Variants in CTNNA2 observed in about 807,000 individuals in gnomAD.
CTNNA2 encodes catenin alpha-2.
A neutral mutation model predicts 101.0 loss-of-function variants in CTNNA2; 42 were observed. The observed-to-expected ratio is 0.42, with a 90% CI of 0.32 to 0.54. The LOEUF (loss-of-function observed/expected upper bound fraction) is 0.54. Ranked by LOEUF, CTNNA2 falls within the 20% of genes least tolerant of loss-of-function variation. The pLI is 0.14. For missense variants in CTNNA2, 871 were observed against 1,223.1 expected (o/e 0.71, Z 4.29); for synonymous variants, 450 against 456.4 (o/e 0.99, Z 0.18).
intron 7 of CTNNA2, among the ~76,000 whole-genome samples, chr2:80,097,116 A>G (rs561963408): frequency 2.6e-5 from 4 of 152,238 alleles, no homozygotes; most frequent in South Asian, 2.1e-4. Flanking sequence ...GGTCTTTACA[A>G]TTTGGCATGT....
At chr2:79,222,425 G>A (rs1271286474) in intron 2 of CTNNA2, among the ~76,000 whole-genome samples, 3 of 152,180 alleles carry the variant, frequency 2.0e-5, no homozygotes, top group South Asian at 4.1e-4. Flanking sequence ...CTGCTGTGTG[G>A]TGCAGGGCCA....
At chr2:79,750,958 T>A (rs1039741478) in intron 3 of CTNNA2, among the ~76,000 whole-genome samples, 4 of 152,212 alleles carry the variant, frequency 2.6e-5, no homozygotes, top group Admixed American at 2.6e-4. Context: ...ATATATCCTA[T>A]GCTAAATGAT....
chr2:79,607,898 G>A (rs1380438090), intron 1 of CTNNA2, among the ~76,000 whole-genome samples: 5 of 151,128 alleles, frequency 3.3e-5, no homozygotes, highest in East Asian at 1.9e-4. Flanking sequence ...AACAAAAGCA[G>A]GGCAAAAATA....
intron 7 of CTNNA2, among the ~76,000 whole-genome samples, chr2:80,037,018 A>C (rs1695712679): frequency 6.6e-6 from 1 of 152,144 alleles, no homozygotes; most frequent in South Asian, 2.1e-4. Context: ...ATATTGGTGA[A>C]ACTTGTCCAT....
chr2:80,465,935 A>G (rs1684816852), intron 9 of CTNNA2, among the ~76,000 whole-genome samples: 1 of 152,190 alleles, frequency 6.6e-6, no homozygotes, highest in African/African-American at 2.4e-5. Context: ...ATATGAAATA[A>G]TAGTGTGTCT....
At chr2:80,095,945 A>T (rs566344807) in intron 7 of CTNNA2, among the ~76,000 whole-genome samples, 2 of 152,206 alleles carry the variant, frequency 1.3e-5, no homozygotes, top group African/African-American at 4.8e-5. Context: ...TGATCTTTTC[A>T]AAAAACCAGC....
At chr2:80,069,668 G>A (rs1042043209) in intron 7 of CTNNA2, among the ~76,000 whole-genome samples, 1 of 152,146 alleles carries the variant, frequency 6.6e-6, no homozygotes, top group East Asian at 1.9e-4. Flanking sequence ...GGGAATAAGA[G>A]AGGAAATAAA....
intron 3 of CTNNA2, among the ~76,000 whole-genome samples, chr2:79,339,329 A>G (rs1184264150): frequency 1.3e-5 from 2 of 152,138 alleles, no homozygotes; most frequent in Admixed American, 6.6e-5. Flanking sequence ...AAGAGACATG[A>G]GGACTAAAAG....
intron 4 of CTNNA2, among the ~76,000 whole-genome samples, chr2:79,432,059 C>A (rs1365533778): frequency 6.6e-6 from 1 of 152,172 alleles, no homozygotes; most frequent in Non-Finnish European, 1.5e-5. Context: ...TTGATTAGAT[C>A]CTGATGCCAT....
At chr2:79,811,468 G>A (rs997748741) in intron 3 of CTNNA2, among the ~76,000 whole-genome samples, 5 of 152,110 alleles carry the variant, frequency 3.3e-5, no homozygotes, top group African/African-American at 7.2e-5. Context: ...CTCCCATTCT[G>A]TAGGTTGCCT....
At chr2:79,712,907 A>G (rs1444606205) in intron 2 of CTNNA2, among the ~76,000 whole-genome samples, 3 of 152,178 alleles carry the variant, frequency 2.0e-5, no homozygotes, top group East Asian at 1.9e-4. Flanking sequence ...GATTTGCCAT[A>G]ATTTTCACAA....
chr2:80,618,397 T>A (rs1394152033), intron 17 of CTNNA2, among the ~76,000 whole-genome samples: 3 of 151,918 alleles, frequency 2.0e-5, no homozygotes, highest in Non-Finnish European at 4.4e-5. Context: ...GTCAAGATTG[T>A]AACATTTTAT....
intron 7 of CTNNA2, among the ~76,000 whole-genome samples, chr2:79,926,714 T>A (rs1384755007): frequency 6.6e-6 from 1 of 151,920 alleles, no homozygotes; most frequent in African/African-American, 2.4e-5. Flanking sequence ...TAAATAAAAT[T>A]TAGAATTGAA....
At chr2:80,286,674 A>T (rs1395206605) in intron 7 of CTNNA2, among the ~76,000 whole-genome samples, 1 of 152,120 alleles carries the variant, frequency 6.6e-6, no homozygotes, top group Non-Finnish European at 1.5e-5. Flanking sequence ...CCACCTAACT[A>T]GACACAGTGT....
intron 1 of CTNNA2, among the ~76,000 whole-genome samples, chr2:79,602,303 C>T (rs1454223137): frequency 1.3e-5 from 2 of 152,040 alleles, no homozygotes; most frequent in Non-Finnish European, 2.9e-5. Context: ...ATCTTGTTAA[C>T]TGCCCATATA....
intron 3 of CTNNA2, among the ~76,000 whole-genome samples, chr2:79,320,183 T>G (rs929162778): frequency 1.3e-5 from 2 of 151,466 alleles, no homozygotes; most frequent in African/African-American, 2.4e-5. Flanking sequence ...AAAGAAAATC[T>G]CCCTTCTTTT....
At chr2:79,991,285 A>C (rs1276353447) in intron 7 of CTNNA2, among the ~76,000 whole-genome samples, 2 of 152,198 alleles carry the variant, frequency 1.3e-5, no homozygotes, top group Non-Finnish European at 2.9e-5. Context: ...CCAAACTTGT[A>C]GGAAATACAA....
chr2:80,367,879 T>C (rs984132324), intron 7 of CTNNA2, among the ~76,000 whole-genome samples: 3 of 151,808 alleles, frequency 2.0e-5, no homozygotes, highest in African/African-American at 4.9e-5. Flanking sequence ...ATCTGCTCCA[T>C]TGAGATTCGT....
At chr2:79,858,308 T>C in intron 4 of CTNNA2, 129 bp downstream of exon 4, 1 of 520,866 alleles carries the variant, frequency 1.9e-6, no homozygotes, top group Non-Finnish European at 3.2e-6. Context: ...ACCCATGTGG[T>C]GCCCACGTCC....
Sources: allele counts gnomAD v4.1 joint callset (sites outside exome capture counted in the v4.1 genomes callset), GRCh38; gene constraint gnomAD v4.1.1; transcripts MANE v1.5; gene names NCBI Gene and HGNC (gene_info 2026-07-23, HGNC 2026-07-21).